OPA3: variants seen among roughly 807,000 people sequenced by gnomAD.
OPA3 encodes the protein outer mitochondrial membrane lipid metabolism regulator OPA3.
OPA3 carries 6 observed loss-of-function variants against 4.0 expected under a neutral mutation model. The observed-to-expected ratio is 1.51, with a 90% CI of 0.83 to 2.99. The LOEUF (loss-of-function observed/expected upper bound fraction) is 2.99. OPA3 is among the 30% of genes most tolerant of loss of function. The pLI, the probability that OPA3 is intolerant of heterozygous loss-of-function variation, is 0.00. For missense variants in OPA3, 235 were observed against 256.2 expected (o/e 0.92, Z 0.56); for synonymous variants, 105 against 117.1 (o/e 0.90, Z 0.67).
chr19:45,576,201 C>T (rs144609605), intron 1 of OPA3, among the ~76,000 whole-genome samples: 92 of 151,708 alleles, frequency 6.1e-4, no homozygotes, highest in African/African-American at 2.1e-3. Flanking sequence ...CCAGCCTGGG[C>T]GACCATGTGA....
chr19:45,531,850 T>C (rs1282900449), intron 1 of OPA3, among the ~76,000 whole-genome samples: 1 of 152,244 alleles, frequency 6.6e-6, no homozygotes, highest in Non-Finnish European at 1.5e-5. Context: ...TCTTCTATCT[T>C]CTATCCAAAT....
In OPA3 at chr19:45,550,723, T is replaced by G. The variant is rs1330434523; in HGVS notation, c.*2791A>C. ...TCCCTCCTGATTTTAATAAGCTCTG[T>G]ACCCATTGTGGAGATCCACATGGTG... On this transcript the variant is annotated 3_prime_UTR_variant, in exon 2 of 2. Coordinates refer to ENST00000263275, the MANE Select transcript of OPA3 (RefSeq NM_025136.4). 1 of 985,890 alleles carries G rather than the reference T, an allele frequency of 1.0e-6. No homozygotes were observed. The highest frequency in any genetic ancestry group is 1.1e-4 in the East Asian group (1 of 8,824). 61.1% of individuals were successfully genotyped at this position (985,890 alleles called of 1,614,324 possible).
At chr19:45,533,494 G>A (rs949027826) in intron 1 of OPA3, among the ~76,000 whole-genome samples, 4 of 152,178 alleles carry the variant, frequency 2.6e-5, no homozygotes, top group African/African-American at 9.6e-5. Flanking sequence ...GCGCCCAGCT[G>A]AATGTAGCTA....
Position 45,552,995 on chromosome 19 carries a change from T to G in OPA3, c.*519A>C. ...CCAGCCGCACCGTTTTTTTCCTCCT[T>G]AAGAGAGCACTGATGCTCAGCTAGA... On this transcript the variant is annotated 3_prime_UTR_variant, in exon 2 of 2. Coordinates refer to ENST00000263275, the MANE Select transcript of OPA3 (RefSeq NM_025136.4). The G allele has an allele frequency of 1.0e-6, 1 of 1,000,092 alleles. No homozygotes were observed. Among genetic ancestry groups the G allele is most frequent in the Non-Finnish European group, 1.2e-6 (1 of 838,904 alleles). The allele number at this position is 1,000,092 out of a possible 1,614,324, so 62.0% of individuals were successfully genotyped here.
intron 1 of OPA3, among the ~76,000 whole-genome samples, chr19:45,581,755 G>A (rs1969858475): frequency 6.6e-6 from 1 of 152,222 alleles, no homozygotes. Flanking sequence ...AGAACTGCAA[G>A]ACAAAGAGTA....
Position 45,548,273 on chromosome 19 carries a change from C to G in OPA3, c.*5241G>C, listed in dbSNP as rs1969280408. The G allele has an allele frequency of 1.0e-6, 1 of 985,496 alleles. No homozygotes were observed. Among genetic ancestry groups the G allele is most frequent in the Non-Finnish European group, 1.2e-6 (1 of 829,940 alleles). The allele number at this position is 985,496 out of a possible 1,614,324, so 61.0% of individuals were successfully genotyped here. On this transcript the variant is annotated 3_prime_UTR_variant, in exon 2 of 2. Transcript: ENST00000263275. ...AGATCAGGTTGGGGCTTATGTAAAG[C>G]CCATTTTCTCCTGGGGTGGCTCTCA...
Position 45,549,779 on chromosome 19 carries a change from T to G in OPA3, c.*3735A>C. On this transcript the variant is annotated 3_prime_UTR_variant, in exon 2 of 2. Transcript: ENST00000263275. ...ACAGGCGTGAGCTGGCCTGGGTCAC[T>G]CCCAGTTTTAAACACAGCCCACTCA... 1.0e-6 allele frequency: 1 copy of G among 985,332 alleles called. No individual in the cohort carries two copies. The highest frequency in any genetic ancestry group is 1.2e-6 in the Non-Finnish European group (1 of 829,984). 61.0% of individuals were successfully genotyped at this position (985,332 alleles called of 1,614,324 possible).
Position 45,552,984 on chromosome 19 carries a change from T to C in OPA3, c.*530A>G. The C allele has an allele frequency of 1.0e-6, 1 of 992,474 alleles. No individual in the cohort carries two copies. The highest frequency in any genetic ancestry group is 1.2e-6 in the Non-Finnish European group (1 of 834,422). The allele number at this position is 992,474 out of a possible 1,614,324, so 61.5% of individuals were successfully genotyped here. On this transcript the variant is annotated 3_prime_UTR_variant, in exon 2 of 2. Coordinates refer to ENST00000263275, the MANE Select transcript of OPA3 (RefSeq NM_025136.4). ...AGCCACCGCTCCCAGCCGCACCGTT[T>C]TTTTCCTCCTTAAGAGAGCACTGAT... is the stretch of plus-strand genomic sequence containing the variant.
intron 1 of OPA3, among the ~76,000 whole-genome samples, chr19:45,539,831 C>G (rs1166908743): frequency 6.6e-6 from 1 of 151,572 alleles, no homozygotes; most frequent in Non-Finnish European, 1.5e-5. Context: ...CATTAAATGT[C>G]CCAAATAATG....
At chr19:45,578,308 G>A (rs897981536) in intron 1 of OPA3, among the ~76,000 whole-genome samples, 9 of 152,176 alleles carry the variant, frequency 5.9e-5, no homozygotes, top group Admixed American at 5.9e-4. Flanking sequence ...CTGCTCCTAA[G>A]ATCAGTGCTT....
chr19:45,566,060 G>C (rs568592233), intron 1 of OPA3, among the ~76,000 whole-genome samples: 1 of 152,136 alleles, frequency 6.6e-6, no homozygotes, highest in Admixed American at 6.5e-5. Context: ...ATTAGCAAAC[G>C]AAAGCCAGCA....
chr19:45,578,024 G>A (rs1322691763), intron 1 of OPA3, among the ~76,000 whole-genome samples: 1 of 152,198 alleles, frequency 6.6e-6, no homozygotes, highest in Non-Finnish European at 1.5e-5. Context: ...GCAAAATTAT[G>A]ACTGACACAG....
Position 45,550,736 on chromosome 19 carries a change from G to A in OPA3, c.*2778C>T, listed in dbSNP as rs1969320146. 1.0e-6 allele frequency: 1 copy of A among 985,764 alleles called. No homozygotes were observed. The highest frequency in any genetic ancestry group is 6.2e-5 in the Admixed American group (1 of 16,252). 61.1% of individuals were successfully genotyped at this position (985,764 alleles called of 1,614,324 possible). On this transcript the variant is annotated 3_prime_UTR_variant, in exon 2 of 2. Coordinates refer to ENST00000263275, the MANE Select transcript of OPA3 (RefSeq NM_025136.4). Reference sequence around the variant, plus strand: ...TAATAAGCTCTGTACCCATTGTGGAGATCCACATGGTGGTTCAGGTACAGC... The same window carrying A: ...TAATAAGCTCTGTACCCATTGTGGAAATCCACATGGTGGTTCAGGTACAGC...
chr19:45,575,156 T>C (rs1969748041), intron 1 of OPA3, among the ~76,000 whole-genome samples: 1 of 151,398 alleles, frequency 6.6e-6, no homozygotes, highest in Non-Finnish European at 1.5e-5. Context: ...GCTGGAGTGC[T>C]GTGGCACGAT....
chr19:45,552,133 G>C lies in OPA3; in HGVS notation c.*1381C>G. 1 of 985,414 alleles carries C rather than the reference G, an allele frequency of 1.0e-6. No individual in the cohort carries two copies. Among genetic ancestry groups the C allele is most frequent in the Non-Finnish European group, 1.2e-6 (1 of 829,970 alleles). 61.0% of individuals were successfully genotyped at this position (985,414 alleles called of 1,614,324 possible). ...GTTGTGCCATAGACTCAAGGATGAG[G>C]GGGTTCTGTTGGAATAGTCCACTTC... On this transcript the variant is annotated 3_prime_UTR_variant, in exon 2 of 2. Coordinates refer to ENST00000263275, the MANE Select transcript of OPA3 (RefSeq NM_025136.4).
At chr19:45,566,163 T>A (rs959436365) in intron 1 of OPA3, among the ~76,000 whole-genome samples, 25 of 152,192 alleles carry the variant, frequency 1.6e-4, no homozygotes, top group Non-Finnish European at 7.3e-5. Context: ...TTATTATTGT[T>A]TTTTGAGATG....
chr19:45,574,127 C>T (rs1343163947), intron 1 of OPA3, among the ~76,000 whole-genome samples: 7 of 151,934 alleles, frequency 4.6e-5, no homozygotes, highest in Non-Finnish European at 7.4e-5. Flanking sequence ...GGCGCAGTGG[C>T]TCACGCCTGT....
In OPA3 at chr19:45,553,854, A is replaced by G; in HGVS notation, c.200T>C (p.Val67Ala). The change falls in exon 2 of 2, where the codon GTC becomes GCC. Residue 67 changes from valine to alanine, a missense_variant. Transcript: ENST00000263275. ...CGCCTCCTCGTTCAGCGGCTTGATG[A>G]CCGTGCCCCGGAAGCCCATGATGCG... The part of the protein sequence containing the change: ...KMRIMGFRGT[V>A]IKPLNEEAAA... 3.1e-6 allele frequency: 5 copies of G among 1,612,042 alleles called. No homozygotes were observed. The highest frequency in any genetic ancestry group is 4.2e-6 in the Non-Finnish European group (5 of 1,178,734).
chr19:45,559,406 T>C (rs1599972357), intron 1 of OPA3, among the ~76,000 whole-genome samples: 1 of 131,698 alleles, frequency 7.6e-6, no homozygotes, highest in East Asian at 2.2e-4. Context: ...TCTTTTTTTT[T>C]TTTTTTTTTT....
Sources: allele counts gnomAD v4.1 joint callset (sites outside exome capture counted in the v4.1 genomes callset), GRCh38; gene constraint gnomAD v4.1.1; transcripts MANE v1.5; gene names NCBI Gene and HGNC (gene_info 2026-07-23, HGNC 2026-07-21).